Variants in ATP1B1 observed in about 807,000 individuals in gnomAD.
ATP1B1 encodes ATPase Na+/K+ transporting subunit beta 1.
ATP1B1 carries 3 observed loss-of-function variants against 39.6 expected under a neutral mutation model. The observed-to-expected ratio is 0.08, with a 90% CI of 0.03 to 0.20. The LOEUF is 0.20. ATP1B1 is among the 10% of genes least tolerant of loss of function. ATP1B1 has a pLI of 1.00. For synonymous variants in ATP1B1, 139 were observed against 135.0 expected, an observed-to-expected ratio of 1.03 and a Z score of -0.20; for missense variants, 216 against 371.1, an observed-to-expected ratio of 0.58 and a Z score of 3.43.
In ATP1B1 at chr1:169,122,746, ATT is replaced by A. The variant is rs753882699; in HGVS notation, c.227-2115_227-2114del. 1.0e-3 allele frequency among the ~76,000 whole-genome samples: 83 copies of A among 82,398 alleles called. 1 individual carries two copies. The highest frequency in any genetic ancestry group is 2.0e-3 in the South Asian group (5 of 2,478). 54.1% of individuals were successfully genotyped at this position (82,398 alleles called of 152,430 possible). Reference sequence around the variant, plus strand: ...GTTCTACATCATCCTTTTCAGGATGATTTTTTTTTTTTTTTTTTTTTTTTAAT... The same window carrying A: ...GTTCTACATCATCCTTTTCAGGATGATTTTTTTTTTTTTTTTTTTTTTAAT... On this transcript the variant is annotated intron_variant, in intron 2 of 5. Coordinates refer to ENST00000367815, the MANE Select transcript of ATP1B1 (RefSeq NM_001677.4).
rs1557954704 is a variant in ATP1B1 at position 169,132,213 on chromosome 1, C to A, written c.*658C>A. The A allele has an allele frequency of 1.5e-6, 1 of 661,344 alleles. No homozygotes were observed. Among genetic ancestry groups the A allele is most frequent in the Admixed American group, 2.2e-5 (1 of 45,660 alleles). The allele number at this position is 661,344 out of a possible 1,614,324, so 41.0% of individuals were successfully genotyped here. On this transcript the variant is annotated 3_prime_UTR_variant, in exon 6 of 6. Coordinates refer to ENST00000367815, the MANE Select transcript of ATP1B1 (RefSeq NM_001677.4). ...TTTTAAGTGACACTACAGAAAAACA[C>A]AAAAAGGTGATGGGTTGTGTTATGC...
intron 2 of ATP1B1, among the ~76,000 whole-genome samples, chr1:169,119,655 A>C (rs1390408439): frequency 9.9e-5 from 15 of 152,192 alleles, no homozygotes; most frequent in Admixed American, 9.8e-4. Context: ...TCATGGTTGG[A>C]GAATTTGGGT....
intron 2 of ATP1B1, among the ~76,000 whole-genome samples, chr1:169,123,133 A>G (rs1243414626): frequency 6.6e-6 from 1 of 152,140 alleles, no homozygotes; most frequent in Non-Finnish European, 1.5e-5. Context: ...AGCCCTACAA[A>G]TGGTGCTGCA....
At chr1:169,130,779 CAAAAAAAAAAAAAA>C (rs57542049) in intron 5 of ATP1B1, among the ~76,000 whole-genome samples, 1 of 73,994 alleles carries the variant, frequency 1.4e-5, no homozygotes. Context: ...AAGACTATCT[CAAAAAAAAAAAAAA>C]AAAAAAAAAA....
In ATP1B1 at chr1:169,115,200, GA is replaced by G. The variant is rs1014216645; in HGVS notation, c.226+3710del. ...GACTCCATCTCAAAAAAAAAAAAAA[GA>G]AAAAAAAGGGGGGTGGGGAATCATA... On this transcript the variant is annotated intron_variant, in intron 2 of 5. Transcript: ENST00000367815. Among the ~76,000 whole-genome samples, 10 of 111,942 alleles carry G rather than the reference GA, an allele frequency of 8.9e-5. No homozygotes were observed. In the East Asian group the frequency reaches 1.5e-3, roughly 17 times the overall value. The allele number at this position is 111,942 out of a possible 152,430, so 73.4% of individuals were successfully genotyped here.
chr1:169,122,375 C>G (rs78913354), intron 2 of ATP1B1, among the ~76,000 whole-genome samples: 2,009 of 152,302 alleles, frequency 0.013, 46 homozygotes, highest in African/African-American at 0.046. Context: ...ACCCGACTTC[C>G]CCATTTCACT....
At chr1:169,126,549 C>G (rs1212931135) in intron 3 of ATP1B1, among the ~76,000 whole-genome samples, 1 of 151,166 alleles carries the variant, frequency 6.6e-6, no homozygotes, top group Non-Finnish European at 1.5e-5. Flanking sequence ...CCAGTCTCTG[C>G]AAAATTAAAA....
intron 4 of ATP1B1, among the ~76,000 whole-genome samples, chr1:169,127,868 CAGG>C (rs1279980961): frequency 6.6e-6 from 1 of 151,976 alleles, no homozygotes; most frequent in African/African-American, 2.4e-5. Flanking sequence ...CTGGAAGCCA[CAGG>C]AACATTTCAA....
intron 2 of ATP1B1, among the ~76,000 whole-genome samples, chr1:169,124,420 C>G (rs1658046747): frequency 6.6e-6 from 1 of 152,190 alleles, no homozygotes; most frequent in African/African-American, 2.4e-5. Flanking sequence ...AAGAAGACCT[C>G]TGTGTCCAAG....
intron 4 of ATP1B1, among the ~76,000 whole-genome samples, 193 bp from the exon 5 acceptor site, chr1:169,129,817 A>C (rs1658166679): frequency 6.6e-6 from 1 of 152,226 alleles, no homozygotes; most frequent in Non-Finnish European, 1.5e-5. Flanking sequence ...ACTTATTTTC[A>C]TTTCAGCAAA....
chr1:169,123,317 C>T (rs1454358542), intron 2 of ATP1B1, among the ~76,000 whole-genome samples: 1 of 151,754 alleles, frequency 6.6e-6, no homozygotes, highest in African/African-American at 2.4e-5. Context: ...TACGATTTTG[C>T]AGGTCTGGAG....
chr1:169,109,606 A>G (rs971709285), intron 1 of ATP1B1, among the ~76,000 whole-genome samples: 1 of 152,202 alleles, frequency 6.6e-6, no homozygotes, highest in Non-Finnish European at 1.5e-5. Flanking sequence ...TACTTGCAAA[A>G]TGACTTGTTT....
At position 169,111,370 on chromosome 1, in the gene ATP1B1, T is replaced by G; in HGVS notation, c.98T>G (p.Phe33Cys). 6.2e-7 allele frequency: 1 copy of G among 1,614,172 alleles called. No individual in the cohort carries two copies. Among genetic ancestry groups the G allele is most frequent in the Non-Finnish European group, 8.5e-7 (1 of 1,180,030 alleles). Residue 33 changes from phenylalanine (F) to cysteine (C), a missense_variant and splice_region_variant, in exon 2 of 6, where the codon TTT becomes TGT. By Grantham distance (205) the Phe-to-Cys change is radical. Transcript: ENST00000367815. ...EFLGRTGGSW[F>C]KILLFYVIFY... The stretch of plus-strand genomic sequence containing the variant: ...CTTTTTGTTTCTGTTCTTCTTGCAG[T>G]TAAGATCCTTCTATTCTACGTAATA...
chr1:169,124,771 T>C, intron 2 of ATP1B1, 113 bp from the exon 3 acceptor site: 1 of 1,257,756 alleles, frequency 8.0e-7, no homozygotes, highest in East Asian at 2.4e-5. Flanking sequence ...GGCAAGACCC[T>C]TTCTTTTTAG....
intron 3 of ATP1B1, among the ~76,000 whole-genome samples, chr1:169,126,954 C>T (rs545025179): frequency 7.2e-5 from 11 of 152,248 alleles, no homozygotes; most frequent in African/African-American, 2.6e-4. Context: ...GGAAATATTG[C>T]CAGAGACTAA....
At chr1:169,117,327 TG>T (rs1385450519) in intron 2 of ATP1B1, among the ~76,000 whole-genome samples, 1 of 152,174 alleles carries the variant, frequency 6.6e-6, no homozygotes, top group Non-Finnish European at 1.5e-5. Flanking sequence ...AAAGGGTTTG[TG>T]GGGGGAACTC....
Position 169,131,643 on chromosome 1 carries a change from ATACGTATGGGACC to A in ATP1B1, c.*92_*104del. 7.0e-7 allele frequency: 1 copy of A among 1,430,826 alleles called. No homozygotes were observed. Among genetic ancestry groups the A allele is most frequent in the Non-Finnish European group, 9.5e-7 (1 of 1,057,680 alleles). 88.6% of individuals were successfully genotyped at this position (1,430,826 alleles called of 1,614,324 possible). On this transcript the variant is annotated 3_prime_UTR_variant, in exon 6 of 6. Transcript: ENST00000367815. This position sits in a 1 kb window ranked among gnomAD's most constrained non-coding sequence, Gnocchi z 4.4. ...ACCTACTAGTCTTGAACAAACTGTCATACGTATGGGACCTACACTTAATCTATATGCTTTACAC... is the reference window on the plus strand; with the variant it reads ...ACCTACTAGTCTTGAACAAACTGTCATACACTTAATCTATATGCTTTACAC...
intron 3 of ATP1B1, among the ~76,000 whole-genome samples, chr1:169,125,341 A>C (rs12027660): frequency 0.081 from 12,327 of 151,584 alleles, 682 homozygotes; most frequent in East Asian, 0.17. Context: ...ACATCCGTTG[A>C]AAAGTACAGC....
chr1:169,107,421 G>T (rs1311862799), intron 1 of ATP1B1, among the ~76,000 whole-genome samples: 2 of 152,160 alleles, frequency 1.3e-5, no homozygotes, highest in Non-Finnish European at 2.9e-5. Context: ...GAGAAGGGTG[G>T]AGAGGAATCC....
Sources: gnomAD v4.1 joint callset for allele counts (sites outside exome capture counted in the v4.1 genomes callset) on GRCh38, gnomAD v4.1.1 for gene constraint, Gnocchi (gnomAD v3.1) non-coding constraint, MANE v1.5 for transcripts, NCBI Gene and HGNC (gene_info 2026-07-23, HGNC 2026-07-21) for gene names.